Variants in PDZK1 observed in about 807,000 individuals in gnomAD.
The protein encoded by PDZK1 is Na(+)/H(+) exchange regulatory cofactor NHE-RF3.
A neutral mutation model predicts 38.1 loss-of-function variants in PDZK1; 23 were observed. The observed-to-expected ratio is 0.60, with a 90% CI of 0.43 to 0.85. The LOEUF (loss-of-function observed/expected upper bound fraction) is 0.85. Ranked by LOEUF, PDZK1 falls within the 40% of genes least tolerant of loss-of-function variation. The pLI is 0.00. For missense variants in PDZK1, 297 were observed against 504.3 expected (o/e 0.59, Z 3.94); for synonymous variants, 98 against 186.2 (o/e 0.53, Z 3.86).
At chr1:145,674,279 A>G in intron 6 of PDZK1, 4 of 985,250 alleles carry the variant, frequency 4.1e-6, no homozygotes, top group Non-Finnish European at 4.8e-6. Flanking sequence ...CCTCATGCAG[A>G]GTACATTCTT....
chr1:145,704,197 C>T, intron 1 of PDZK1, among the ~76,000 whole-genome samples: 1 of 152,180 alleles, frequency 6.6e-6, no homozygotes, highest in East Asian at 1.9e-4. Context: ...GGTATGTATT[C>T]AATACAACTG....
At chr1:145,672,589 C>T in intron 8 of PDZK1, 141 bp downstream of exon 8, 2 of 1,062,368 alleles carry the variant, frequency 1.9e-6, no homozygotes, top group Non-Finnish European at 2.7e-6. Context: ...TCTACAATAA[C>T]TTGATTTGTT....
chr1:145,691,284 G>A (rs1655216516), intron 1 of PDZK1, among the ~76,000 whole-genome samples: 1 of 152,112 alleles, frequency 6.6e-6, no homozygotes, highest in Admixed American at 6.5e-5. Context: ...ATTCATCTAG[G>A]AGCCAAGGGA....
chr1:145,677,536 A>C (rs1374527558), intron 6 of PDZK1, among the ~76,000 whole-genome samples: 1 of 151,930 alleles, frequency 6.6e-6, no homozygotes, highest in Admixed American at 6.6e-5. Flanking sequence ...AAAAGCCATT[A>C]ATCTAATTAA....
chr1:145,704,647 G>A lies in PDZK1; in HGVS notation c.-3+2670C>T, dbSNP rs1441459915. On this transcript the variant is annotated intron_variant, in intron 1 of 8. Coordinates refer to ENST00000417171, the MANE Select transcript of PDZK1 (RefSeq NM_001201325.2). ...CAGTGCTCATTTTCTTAATCACTTA[G>A]CCATGATACCCATCAGGCAAAGAGA... Among the ~76,000 whole-genome samples the A allele has an allele frequency of 1.3e-5, 2 of 152,214 alleles. 1 individual carries two copies. Among genetic ancestry groups the A allele is most frequent in the East Asian group, 3.9e-4 (2 of 5,182 alleles).
intron 3 of PDZK1, among the ~76,000 whole-genome samples, chr1:145,685,516 T>TTAA (rs1224714605): frequency 6.6e-6 from 1 of 152,104 alleles, no homozygotes; most frequent in Admixed American, 6.5e-5. Flanking sequence ...CCTTTGACTA[T>TTAA]ACACACCACT....
intron 1 of PDZK1, among the ~76,000 whole-genome samples, chr1:145,689,431 G>T (rs1571617949): frequency 6.6e-6 from 1 of 152,088 alleles, no homozygotes; most frequent in African/African-American, 2.4e-5. Context: ...CCATTGCAGG[G>T]GCAAGGTCCT....
intron 1 of PDZK1, among the ~76,000 whole-genome samples, chr1:145,693,712 T>C (rs1459550218): frequency 6.6e-6 from 1 of 150,990 alleles, no homozygotes; most frequent in Admixed American, 6.6e-5. Flanking sequence ...AGGCGGAGCT[T>C]GCAGTGAGCT....
intron 1 of PDZK1, among the ~76,000 whole-genome samples, chr1:145,701,293 T>C (rs1356127626): frequency 6.6e-6 from 1 of 150,470 alleles, no homozygotes; most frequent in African/African-American, 2.5e-5. Flanking sequence ...GATTGTATAA[T>C]CTAGTATGAA....
chr1:145,673,182 A>G (rs587685708), intron 7 of PDZK1, among the ~76,000 whole-genome samples, 162 bp from the exon 8 acceptor site: 1 of 152,238 alleles, frequency 6.6e-6, no homozygotes, highest in African/African-American at 2.4e-5. Flanking sequence ...ATGCTTTTAT[A>G]TTTATGAAGG....
chr1:145,694,726 G>A (rs1655514626), intron 1 of PDZK1, among the ~76,000 whole-genome samples: 1 of 151,658 alleles, frequency 6.6e-6, no homozygotes, highest in Non-Finnish European at 1.5e-5. Flanking sequence ...GTGAAACCCT[G>A]TCTCTACTAA....
intron 1 of PDZK1, among the ~76,000 whole-genome samples, chr1:145,706,200 TG>T (rs1656237812): frequency 1.3e-5 from 2 of 152,242 alleles, no homozygotes; most frequent in African/African-American, 4.8e-5. Context: ...AAAACTCTGA[TG>T]ATTTGTATTC....
intron 8 of PDZK1, among the ~76,000 whole-genome samples, chr1:145,671,816 A>G (rs1553697932): frequency 6.7e-6 from 1 of 148,796 alleles, no homozygotes; most frequent in Non-Finnish European, 1.5e-5. Context: ...TTTCTTTTTT[A>G]TAAGACTAGG....
chr1:145,688,841 C>T (rs1383911899), intron 1 of PDZK1, among the ~76,000 whole-genome samples: 1 of 152,072 alleles, frequency 6.6e-6, no homozygotes, highest in Non-Finnish European at 1.5e-5. Flanking sequence ...CACCTGTTGT[C>T]CCAGCTATTC....
intron 1 of PDZK1, 75 bp downstream of exon 1, chr1:145,707,228 TGGAAAAAGAAAAAG>T (rs1261589782): frequency 1.3e-5 from 2 of 152,088 alleles, no homozygotes; most frequent in Non-Finnish European, 2.9e-5. Context: ...GCTACTGGCT[TGGAAAAAGAAAAAG>T]GGAAAAGGAA....
At chr1:145,696,770 T>C in intron 1 of PDZK1, among the ~76,000 whole-genome samples, 1 of 152,230 alleles carries the variant, frequency 6.6e-6, no homozygotes, top group East Asian at 1.9e-4. Context: ...GGAAACTAAT[T>C]CATGCTTTGA....
chr1:145,676,023 A>G (rs1553699177), intron 6 of PDZK1: 1 of 187,074 alleles, frequency 5.3e-6, no homozygotes, highest in East Asian at 1.9e-4. Flanking sequence ...GTCTCAAAAA[A>G]AAAAAATGAG....
chr1:145,704,321 A>G (rs74119447), intron 1 of PDZK1, among the ~76,000 whole-genome samples: 8,276 of 152,182 alleles, frequency 0.054, 749 homozygotes, highest in African/African-American at 0.19. Context: ...CAGGCTTGGC[A>G]CCTCAGAAAC....
chr1:145,677,518 TAAAA>T (rs1215618384), intron 6 of PDZK1, among the ~76,000 whole-genome samples: 13 of 143,080 alleles, frequency 9.1e-5, no homozygotes, highest in Admixed American at 5.6e-4. Context: ...TTCAAGTAGC[TAAAA>T]AAAAAAAGCC....
Sources: gnomAD v4.1 joint callset for allele counts (sites outside exome capture counted in the v4.1 genomes callset) on GRCh38, gnomAD v4.1.1 for gene constraint, MANE v1.5 for transcripts, NCBI Gene and HGNC (gene_info 2026-07-23, HGNC 2026-07-21) for gene names.